The following CHP1 variants were observed in gnomAD, a reference collection of about 807,000 sequenced individuals.
The protein encoded by CHP1 is calcineurin like EF-hand protein 1.
A neutral mutation model predicts 27.4 loss-of-function variants in CHP1; 11 were observed. That is an observed-to-expected ratio of 0.40 (90% CI 0.25 to 0.67). The LOEUF is 0.67. Ranked by LOEUF, CHP1 falls within the 30% of genes least tolerant of loss-of-function variation. CHP1 has a pLI of 0.38. For synonymous variants in CHP1, 89 were observed against 87.4 expected, an observed-to-expected ratio of 1.02 and a Z score of -0.10; for missense variants, 169 against 251.3, an observed-to-expected ratio of 0.67 and a Z score of 2.22.
At position 41,243,738 on chromosome 15, in the gene CHP1, A is replaced by T; in HGVS notation, c.139A>T (p.Ser47Cys). 1 of 1,613,622 alleles carries T rather than the reference A, an allele frequency of 6.2e-7. No homozygotes were observed. Among genetic ancestry groups the T allele is most frequent in the African/African-American group, 1.3e-5 (1 of 75,024 alleles). ...GGACAAAGGAGAGAATGGGACTCTC[A>T]GGTAGGCAGTGTTTTTCTTTATTTT... ...SLDKGENGTLSREDFQRIPEL... is the reference protein window; with the variant it reads ...SLDKGENGTLCREDFQRIPEL... Residue 47 changes from serine to cysteine, a missense_variant and splice_region_variant, in exon 2 of 7, where the codon AGC (serine) becomes TGC (cysteine). By Grantham distance (112) the Ser-to-Cys change is moderately radical. Transcript: ENST00000334660.
In CHP1 at chr15:41,270,542, G is replaced by C; in HGVS notation, c.350-15G>C. 6.2e-7 allele frequency: 1 copy of C among 1,609,606 alleles called. No individual in the cohort carries two copies. The highest frequency in any genetic ancestry group is 8.5e-7 in the Non-Finnish European group (1 of 1,176,006). ...ACTACAGAATTTTGACTAACTTTGT[G>C]TTTTTCCCTTACAGTTGCTTTTCGA... On this transcript the variant is annotated splice_polypyrimidine_tract_variant and intron_variant, in intron 4 of 6. Transcript: ENST00000334660.
intron 2 of CHP1, among the ~76,000 whole-genome samples, chr15:41,253,123 G>C (rs12905233): frequency 1.3e-5 from 2 of 151,584 alleles, no homozygotes; most frequent in Admixed American, 6.6e-5. Flanking sequence ...GTTTTTAGTA[G>C]AGACGGGGTT....
At chr15:41,270,751 C>A in intron 5 of CHP1, 133 bp downstream of exon 5, 2 of 674,736 alleles carry the variant, frequency 3.0e-6, no homozygotes, top group Admixed American at 2.7e-5. Flanking sequence ...GGTTATAAGA[C>A]AAAGGAGATG....
intron 3 of CHP1, among the ~76,000 whole-genome samples, chr15:41,262,002 A>AT (rs1316654276): frequency 1.3e-5 from 2 of 148,378 alleles, no homozygotes; most frequent in Non-Finnish European, 3.0e-5. Flanking sequence ...CAAAAAAAAA[A>AT]AAAAAAAATA....
At chr15:41,273,068 A>G (rs2140942808) in intron 5 of CHP1, among the ~76,000 whole-genome samples, 1 of 152,126 alleles carries the variant, frequency 6.6e-6, no homozygotes, top group South Asian at 2.1e-4. Context: ...AAAAAAAAAG[A>G]AAAGAAAAGA....
intron 3 of CHP1, among the ~76,000 whole-genome samples, chr15:41,257,852 G>A (rs2047408485): frequency 1.3e-5 from 2 of 152,160 alleles, no homozygotes; most frequent in African/African-American, 4.8e-5. Context: ...GAGCCACCAT[G>A]CCCAGCCTAC....
chr15:41,248,798 A>G (rs963459801), intron 2 of CHP1, among the ~76,000 whole-genome samples: 3 of 152,182 alleles, frequency 2.0e-5, no homozygotes, highest in African/African-American at 7.2e-5. Flanking sequence ...TTGAATACCT[A>G]GAAGAAATTA....
At chr15:41,275,114 A>G (rs1368232924) in intron 5 of CHP1, among the ~76,000 whole-genome samples, 4 of 151,332 alleles carry the variant, frequency 2.6e-5, no homozygotes, top group East Asian at 2.0e-4. Flanking sequence ...TAATTCTTCT[A>G]TTGGGGTACA....
In CHP1 at chr15:41,279,322, G is replaced by C. The variant is rs375455834; in HGVS notation, c.535-14G>C. 1.9e-6 allele frequency: 3 copies of C among 1,610,628 alleles called. No individual in the cohort carries two copies. In the Admixed American group the frequency reaches 5.0e-5, roughly 27 times the overall value. ...TTCATAACCTTTGTAACTGTTACTG[G>C]TTTTCTCCCCCAGGTTTTGGAGAAG... On this transcript the variant is annotated splice_polypyrimidine_tract_variant and intron_variant, in intron 6 of 6. Transcript: ENST00000334660.
chr15:41,265,730 G>A (rs967276698), intron 4 of CHP1, among the ~76,000 whole-genome samples: 10 of 150,880 alleles, frequency 6.6e-5, no homozygotes, highest in Admixed American at 1.3e-4. Flanking sequence ...AAAAAGAAAT[G>A]TGGGTTTACA....
chr15:41,268,448 C>T (rs924639398), intron 4 of CHP1, among the ~76,000 whole-genome samples: 17 of 151,990 alleles, frequency 1.1e-4, no homozygotes, highest in South Asian at 2.1e-4. Context: ...AGATCGAGAC[C>T]ATCCTGGCCA....
At chr15:41,262,433 A>G (rs1234720049) in intron 3 of CHP1, among the ~76,000 whole-genome samples, 1 of 152,110 alleles carries the variant, frequency 6.6e-6, no homozygotes. Flanking sequence ...GCTGTCTTGT[A>G]TAGTGCTGGC....
At chr15:41,279,300 A>C in intron 6 of CHP1, 36 bp from the exon 7 acceptor site, 1 of 1,551,856 alleles carries the variant, frequency 6.4e-7, no homozygotes, top group Non-Finnish European at 8.9e-7. Flanking sequence ...TGTAATCTTC[A>C]TAACCTTTGT....
chr15:41,247,337 G>A (rs1181490218), intron 2 of CHP1, among the ~76,000 whole-genome samples: 1 of 147,936 alleles, frequency 6.8e-6, no homozygotes, highest in African/African-American at 2.5e-5. Flanking sequence ...GCACTGCCCT[G>A]CACCCTGGGC....
At chr15:41,259,421 C>G (rs1424835554) in intron 3 of CHP1, among the ~76,000 whole-genome samples, 2 of 152,038 alleles carry the variant, frequency 1.3e-5, no homozygotes, top group African/African-American at 4.8e-5. Context: ...CTGGGCTGCA[C>G]TGCTTAGCTC....
In CHP1 at chr15:41,279,969, G is replaced by C. The variant is rs2047537499; in HGVS notation, c.*580G>C. On this transcript the variant is annotated 3_prime_UTR_variant, in exon 7 of 7. Coordinates refer to ENST00000334660, the MANE Select transcript of CHP1 (RefSeq NM_007236.5). ...GGCAGGATAGTTCAGGGGTCTGGCA[G>C]TTTTTATTTACCTTCATTATTAAAT... 1 of 152,332 alleles carries C rather than the reference G, an allele frequency of 6.6e-6. No individual in the cohort carries two copies. The highest frequency in any genetic ancestry group is 2.4e-5 in the African/African-American group (1 of 41,448). The allele number at this position is 152,332 out of a possible 1,614,324, so 9.4% of individuals were successfully genotyped here.
intron 5 of CHP1, among the ~76,000 whole-genome samples, 155 bp from the exon 6 acceptor site, chr15:41,278,612 C>T (rs190764840): frequency 1.2e-4 from 18 of 152,290 alleles, no homozygotes; most frequent in African/African-American, 4.3e-4. Flanking sequence ...ATTATATATG[C>T]AGTCGGTCAT....
At chr15:41,274,762 A>G (rs2047510760) in intron 5 of CHP1, among the ~76,000 whole-genome samples, 2 of 146,946 alleles carry the variant, frequency 1.4e-5, no homozygotes, top group Non-Finnish European at 3.0e-5. Context: ...TGGGTTGTCT[A>G]TTGATTATCT....
intron 2 of CHP1, 107 bp from the exon 3 acceptor site, chr15:41,256,803 T>G (rs2047402759): frequency 1.2e-6 from 1 of 855,406 alleles, no homozygotes; most frequent in East Asian, 2.5e-5. Flanking sequence ...AGAAGTAAAT[T>G]CCAGGAGGTA....
Sources: gnomAD v4.1 joint callset for allele counts (sites outside exome capture counted in the v4.1 genomes callset) on GRCh38, gnomAD v4.1.1 for gene constraint, MANE v1.5 for transcripts, NCBI Gene and HGNC (gene_info 2026-07-23, HGNC 2026-07-21) for gene names.